The following DIP2C variants were observed in gnomAD, a reference collection of about 807,000 sequenced individuals.
The protein encoded by DIP2C is DIP2 acetate--CoA ligase C (putative).
In DIP2C, 33 loss-of-function variants were observed where a neutral mutation model predicts 192.4. That is an observed-to-expected ratio of 0.17 (90% confidence interval 0.13 to 0.23). The LOEUF is 0.23. Among genes scored for constraint, DIP2C ranks in the 10% least tolerant of loss-of-function variants. DIP2C has a pLI of 1.00. For synonymous variants in DIP2C, 979 were observed against 864.1 expected (o/e 1.13, Z -2.33); for missense variants, 1,537 against 2,110.1 (o/e 0.73, Z 5.32).
intron 1 of DIP2C, among the ~76,000 whole-genome samples, chr10:555,640 C>T (rs1035998708): frequency 3.9e-5 from 6 of 152,312 alleles, no homozygotes; most frequent in African/African-American, 1.4e-4. Context: ...GGGGACCAGC[C>T]ACGTGAGGGG....
intron 1 of DIP2C, among the ~76,000 whole-genome samples, chr10:565,448 G>A (rs1849416313): frequency 6.6e-6 from 1 of 151,208 alleles, no homozygotes; most frequent in East Asian, 1.9e-4. Flanking sequence ...CAGTGAAACT[G>A]TCAGCAACTA....
intron 1 of DIP2C, among the ~76,000 whole-genome samples, chr10:615,524 A>G (rs1293557540): frequency 6.6e-6 from 1 of 152,090 alleles, no homozygotes; most frequent in African/African-American, 2.4e-5. Flanking sequence ...ACCAGACTTC[A>G]ACTCTCAGGG....
chr10:367,936 G>T (rs7918755), intron 18 of DIP2C, among the ~76,000 whole-genome samples: 80,955 of 119,244 alleles, frequency 0.68, 28,929 homozygotes, highest in Non-Finnish European at 0.78. Context: ...GAAGCCCGCG[G>T]TTGCTCTCAC....
intron 1 of DIP2C, among the ~76,000 whole-genome samples, chr10:659,515 A>G (rs1442505939): frequency 6.6e-6 from 1 of 152,256 alleles, no homozygotes; most frequent in Non-Finnish European, 1.5e-5. Flanking sequence ...TCAAATAATG[A>G]GGTCTCACAC....
chr10:636,257 C>T lies in DIP2C; in HGVS notation c.85+53237G>A, dbSNP rs1854832761. Among the ~76,000 whole-genome samples, 1 of 152,212 alleles carries T rather than the reference C, an allele frequency of 6.6e-6. No homozygotes were observed. Among genetic ancestry groups the T allele is most frequent in the Non-Finnish European group, 1.5e-5 (1 of 68,038 alleles). ...ACCCAAGGGTGCTTGGCTTGACTCA[C>T]TTCCATACCAATTTCCAGATGTATT... On this transcript the variant is annotated intron_variant, in intron 1 of 36. Coordinates refer to ENST00000280886, the MANE Select transcript of DIP2C (RefSeq NM_014974.3). This position sits in a 1 kb window ranked among gnomAD's most constrained non-coding sequence, Gnocchi z 4.6.
At chr10:672,575 C>T (rs1400290950) in intron 1 of DIP2C, among the ~76,000 whole-genome samples, 4 of 152,236 alleles carry the variant, frequency 2.6e-5, no homozygotes, top group Non-Finnish European at 5.9e-5. Flanking sequence ...GGGCACTTCA[C>T]TTCGAATGAA....
Position 441,004 on chromosome 10 carries a change from GGA to G in DIP2C, c.269-10_269-9del, listed in dbSNP as rs765057875. 12 of 1,610,258 alleles carry G rather than the reference GGA, an allele frequency of 7.5e-6. No individual in the cohort carries two copies. The highest frequency in any genetic ancestry group is 2.7e-5 in the African/African-American group (2 of 74,924). ...CAGCTTCCGTGTGGACGTCTGAAAC[GGA>G]GAGAGCTCAGTCACTCAGTGCTCAG... On this transcript the variant is annotated splice_polypyrimidine_tract_variant and intron_variant, in intron 3 of 36. Coordinates refer to ENST00000280886, the MANE Select transcript of DIP2C (RefSeq NM_014974.3).
At chr10:300,911 G>C (rs1007646042) in intron 32 of DIP2C, among the ~76,000 whole-genome samples, 31 of 152,210 alleles carry the variant, frequency 2.0e-4, no homozygotes, top group Non-Finnish European at 2.9e-5. Flanking sequence ...TCCACAGAAA[G>C]GACTTGAAAA....
At chr10:545,557 A>G (rs1209498183) in intron 1 of DIP2C, among the ~76,000 whole-genome samples, 1 of 152,192 alleles carries the variant, frequency 6.6e-6, no homozygotes, top group Non-Finnish European at 1.5e-5. Flanking sequence ...CGCCGTCTAC[A>G]CAGAATGGGG....
At chr10:345,397 T>C (rs1040859431) in intron 26 of DIP2C, among the ~76,000 whole-genome samples, 1 of 152,012 alleles carries the variant, frequency 6.6e-6, no homozygotes, top group Non-Finnish European at 1.5e-5. Flanking sequence ...CTCACACCAT[T>C]AGATCTGTTC....
At chr10:464,645 T>C (rs1970062898) in intron 3 of DIP2C, among the ~76,000 whole-genome samples, 3 of 152,164 alleles carry the variant, frequency 2.0e-5, no homozygotes, top group Admixed American at 2.0e-4. Flanking sequence ...ACCCAAAGGA[T>C]TATAAATCAT....
chr10:313,568 A>G (rs1956651951), intron 31 of DIP2C, among the ~76,000 whole-genome samples: 1 of 152,256 alleles, frequency 6.6e-6, no homozygotes, highest in African/African-American at 2.4e-5. Context: ...CGTATTCGGC[A>G]TCACAAGTCA....
intron 17 of DIP2C, among the ~76,000 whole-genome samples, chr10:378,692 TAC>T (rs1491573169): frequency 3.1e-4 from 47 of 149,836 alleles, no homozygotes; most frequent in African/African-American, 1.0e-3. Context: ...CAGACATGCA[TAC>T]ACACATGAAC....
intron 9 of DIP2C, among the ~76,000 whole-genome samples, chr10:407,766 T>G (rs548721963): frequency 1.3e-5 from 2 of 152,310 alleles, no homozygotes; most frequent in South Asian, 4.1e-4. Flanking sequence ...TTTAAACGTT[T>G]TTGTTGTTGT....
intron 1 of DIP2C, among the ~76,000 whole-genome samples, chr10:578,661 G>A (rs1297956513): frequency 6.6e-6 from 1 of 152,176 alleles, no homozygotes; most frequent in Non-Finnish European, 1.5e-5. Context: ...GATCCCTGCA[G>A]GGGCCCTATT....
At chr10:600,714 G>C (rs1852013004) in intron 1 of DIP2C, among the ~76,000 whole-genome samples, 1 of 152,218 alleles carries the variant, frequency 6.6e-6, no homozygotes, top group Non-Finnish European at 1.5e-5. Context: ...TTCACCTTAA[G>C]GAGATTTTCA....
At chr10:674,045 C>T (rs1196896045) in intron 1 of DIP2C, among the ~76,000 whole-genome samples, 1 of 152,154 alleles carries the variant, frequency 6.6e-6, no homozygotes, top group Non-Finnish European at 1.5e-5. Context: ...AAAAGAAAAA[C>T]TCTACTTCCT....
Position 623,442 on chromosome 10 carries a change from G to A in DIP2C, c.85+66052C>T, listed in dbSNP as rs1259467935. On this transcript the variant is annotated intron_variant, in intron 1 of 36. Coordinates refer to ENST00000280886, the MANE Select transcript of DIP2C (RefSeq NM_014974.3). Reference sequence around the variant, plus strand: ...CGGGTGCAGAGAAGGGGATGAAACCGAAATGCTGTGGGGCTGAGGGGAGGA... The same window carrying A: ...CGGGTGCAGAGAAGGGGATGAAACCAAAATGCTGTGGGGCTGAGGGGAGGA... 6.2e-5 allele frequency among the ~76,000 whole-genome samples: 9 copies of A among 146,304 alleles called. No homozygotes were observed. In the South Asian group the frequency reaches 1.2e-3, roughly 19 times the overall value.
intron 1 of DIP2C, among the ~76,000 whole-genome samples, chr10:578,825 C>T (rs1055937439): frequency 7.9e-5 from 12 of 151,936 alleles, no homozygotes; most frequent in Non-Finnish European, 1.3e-4. Flanking sequence ...ATAGAGAGCA[C>T]ACACATCCAG....
Sources: gnomAD v4.1 joint callset for allele counts (sites outside exome capture counted in the v4.1 genomes callset) on GRCh38, gnomAD v4.1.1 for gene constraint, Gnocchi (gnomAD v3.1) non-coding constraint, MANE v1.5 for transcripts, NCBI Gene and HGNC (gene_info 2026-07-23, HGNC 2026-07-21) for gene names.